The following CRACD variants were observed in gnomAD, a reference collection of about 807,000 sequenced individuals.
The protein encoded by CRACD is capping protein-inhibiting regulator of actin dynamics.
In CRACD, 56 loss-of-function variants were observed where a neutral mutation model predicts 106.8. That is an observed-to-expected ratio of 0.52 (90% confidence interval 0.42 to 0.66). The LOEUF (loss-of-function observed/expected upper bound fraction) is 0.66, where lower values mean the gene tolerates loss of function less well. Among genes scored for constraint, CRACD ranks in the 30% least tolerant of loss-of-function variants. CRACD has a pLI of 0.00. For missense variants in CRACD, 1,730 were observed against 1,623.2 expected (o/e 1.07, Z -1.13); for synonymous variants, 754 against 670.8 (o/e 1.12, Z -1.92).
chr4:56,305,895 A>T (rs1452221144), intron 4 of CRACD, among the ~76,000 whole-genome samples: 1 of 152,214 alleles, frequency 6.6e-6, no homozygotes, highest in African/African-American at 2.4e-5. Flanking sequence ...CCCTCAAGGG[A>T]TTCTTGCGCC....
In CRACD at chr4:56,315,483, A is replaced by T. The variant is rs754664789; in HGVS notation, c.1981A>T (p.Ser661Cys). 7 of 1,613,284 alleles carry T rather than the reference A, an allele frequency of 4.3e-6. No homozygotes were observed. The highest frequency in any genetic ancestry group is 5.9e-6 in the Non-Finnish European group (7 of 1,179,812). Reference sequence around the variant, plus strand: ...TAAGCCCCGCCAGGAGTCTCCCAGCAGCGCGTCCGCACTCGCAGAATGGGC... The same window carrying T: ...TAAGCCCCGCCAGGAGTCTCCCAGCTGCGCGTCCGCACTCGCAGAATGGGC... ...KAKPRQESPS[S>C]ASALAEWASI... The change falls in exon 8 of 11, where the codon AGC (serine) becomes TGC (cysteine). Residue 661 changes from serine to cysteine, a missense_variant. Ser to Cys is a moderately radical substitution (Grantham distance 112). Coordinates refer to ENST00000682029, the MANE Select transcript of CRACD (RefSeq NM_001393381.1). The surrounding 1 kb of genome is among the most constrained non-coding windows in gnomAD (Gnocchi z 4.1).
rs147721159 is a variant in CRACD, at chr4:56,313,673, G to A, written c.537+294G>A. Among the ~76,000 whole-genome samples the A allele has an allele frequency of 1.1e-3, 161 of 152,276 alleles. 1 individual carries two copies. The highest frequency in any genetic ancestry group is 2.9e-3 in the South Asian group (14 of 4,826). On this transcript the variant is annotated intron_variant, in intron 7 of 10. Transcript: ENST00000682029. ...AGCCAATGCTCCCTCAGTTTGACTA[G>A]GATAGGCTTCCAAGTCACAAGCTCC...
intron 1 of CRACD, among the ~76,000 whole-genome samples, chr4:56,056,225 G>A (rs567857570): frequency 2.0e-5 from 3 of 152,102 alleles, no homozygotes; most frequent in African/African-American, 4.8e-5. Flanking sequence ...TTTACAGATC[G>A]AATTCCACTG....
intron 1 of CRACD, among the ~76,000 whole-genome samples, chr4:56,173,133 G>A (rs1420621787): frequency 5.3e-5 from 8 of 152,290 alleles, no homozygotes; most frequent in South Asian, 2.1e-4. Flanking sequence ...TTTTTAGGGT[G>A]ACCCCACAGA....
chr4:56,220,337 C>A (rs139721860), intron 2 of CRACD, among the ~76,000 whole-genome samples: 1 of 152,150 alleles, frequency 6.6e-6, no homozygotes, highest in African/African-American at 2.4e-5. Context: ...CTCTTGTAAC[C>A]AACTGTTGCC....
At chr4:56,288,973 T>C (rs1743540803) in intron 3 of CRACD, among the ~76,000 whole-genome samples, 2 of 152,224 alleles carry the variant, frequency 1.3e-5, no homozygotes, top group South Asian at 4.1e-4. Context: ...TGCTACAATG[T>C]GGATGAACTT....
intron 1 of CRACD, among the ~76,000 whole-genome samples, chr4:56,132,120 T>G (rs1034110088): frequency 2.0e-5 from 3 of 152,136 alleles, no homozygotes; most frequent in African/African-American, 7.2e-5. Context: ...CCACAGCTCC[T>G]GTAACCTTTA....
At chr4:56,125,726 A>T (rs1351723065) in intron 1 of CRACD, among the ~76,000 whole-genome samples, 1 of 143,770 alleles carries the variant, frequency 7.0e-6, no homozygotes, top group Non-Finnish European at 1.5e-5. Context: ...TGGATTTAAA[A>T]TTTTTAATGT....
intron 10 of CRACD, among the ~76,000 whole-genome samples, chr4:56,325,289 C>A (rs1328149381): frequency 6.6e-6 from 1 of 152,152 alleles, no homozygotes; most frequent in Admixed American, 6.5e-5. Flanking sequence ...GAGCCGAGAT[C>A]GTGCCACTGC....
intron 2 of CRACD, among the ~76,000 whole-genome samples, chr4:56,195,931 T>A (rs1439767424): frequency 6.6e-6 from 1 of 152,234 alleles, no homozygotes; most frequent in African/African-American, 2.4e-5. Flanking sequence ...AAGATATATT[T>A]TTCTTACGCA....
At chr4:56,163,872 A>T (rs1736047140) in intron 1 of CRACD, among the ~76,000 whole-genome samples, 1 of 152,152 alleles carries the variant, frequency 6.6e-6, no homozygotes, top group Middle Eastern at 3.4e-3. Flanking sequence ...CAGCTTCCAG[A>T]GTAGCTGAGA....
intron 1 of CRACD, among the ~76,000 whole-genome samples, chr4:56,176,453 G>T: frequency 7.8e-6 from 1 of 127,684 alleles, no homozygotes; most frequent in Non-Finnish European, 1.6e-5. Flanking sequence ...TTTTGAGATG[G>T]AGACTTGCTC....
At chr4:56,290,899 C>A (rs1743668059) in intron 3 of CRACD, among the ~76,000 whole-genome samples, 1 of 152,156 alleles carries the variant, frequency 6.6e-6, no homozygotes, top group South Asian at 2.1e-4. Context: ...TGCTCAGATA[C>A]CAGTGCTGTT....
chr4:56,144,164 GA>G, intron 1 of CRACD, among the ~76,000 whole-genome samples: 1 of 152,162 alleles, frequency 6.6e-6, no homozygotes, highest in East Asian at 1.9e-4. Context: ...CTGAGCAAAG[GA>G]AAAATGTTAA....
chr4:56,125,080 C>G (rs1378854683), intron 1 of CRACD, among the ~76,000 whole-genome samples: 1 of 152,086 alleles, frequency 6.6e-6, no homozygotes, highest in East Asian at 1.9e-4. Context: ...TTCTAAAAAG[C>G]TAGGTTTGGG....
intron 1 of CRACD, among the ~76,000 whole-genome samples, chr4:56,140,850 C>G (rs1355298634): frequency 1.3e-5 from 2 of 152,136 alleles, no homozygotes; most frequent in East Asian, 3.9e-4. Flanking sequence ...TAATGCAGTC[C>G]CAGCAAAAAC....
In CRACD at chr4:56,086,704, C is replaced by T. The variant is rs559911227; in HGVS notation, c.-336+37405C>T. Among the ~76,000 whole-genome samples, 19 of 152,182 alleles carry T rather than the reference C, an allele frequency of 1.2e-4. No individual in the cohort carries two copies. In the East Asian group the frequency reaches 3.7e-3, roughly 29 times the overall value. On this transcript the variant is annotated intron_variant, in intron 1 of 10. Transcript: ENST00000682029. The stretch of plus-strand genomic sequence containing the variant: ...GAAGTGTCCAGGTGCGTCACTTTCC[C>T]GGCACCGCCCAGTGAGTTTCCTCTT...
chr4:56,282,884 T>C (rs1743111016), intron 3 of CRACD, among the ~76,000 whole-genome samples: 1 of 152,216 alleles, frequency 6.6e-6, no homozygotes, highest in African/African-American at 2.4e-5. Context: ...CTTTCGCAGA[T>C]AGTGGCACCA....
rs376338284 is a variant in CRACD, at chr4:56,316,521, G to C, written c.3019G>C (p.Asp1007His). 18 of 1,613,720 alleles carry C rather than the reference G, an allele frequency of 1.1e-5. No individual in the cohort carries two copies. The highest frequency in any genetic ancestry group is 3.3e-4 in the Middle Eastern group (2 of 6,062). ...DPEPSEPSKE[D>H]QESSDRRPPS... is the part of the protein sequence containing the mutation. Reference sequence around the variant, plus strand: ...AGAGCCAAGTGAGCCGTCCAAGGAGGACCAGGAGAGCAGTGACCGCCGGCC... The same window carrying C: ...AGAGCCAAGTGAGCCGTCCAAGGAGCACCAGGAGAGCAGTGACCGCCGGCC... Residue 1007 changes from aspartate (D) to histidine (H), a missense_variant, in exon 8 of 11, where the codon GAC becomes CAC. Transcript: ENST00000682029.
Sources: gnomAD v4.1 joint callset for allele counts (sites outside exome capture counted in the v4.1 genomes callset) on GRCh38, gnomAD v4.1.1 for gene constraint, Gnocchi (gnomAD v3.1) non-coding constraint, MANE v1.5 for transcripts, NCBI Gene and HGNC (gene_info 2026-07-23, HGNC 2026-07-21) for gene names.